Variants in NEBL observed in about 807,000 individuals in gnomAD.
NEBL encodes the protein nebulette.
In NEBL, 122 loss-of-function variants were observed where a neutral mutation model predicts 140.2. That is an observed-to-expected ratio of 0.87 (90% confidence interval 0.75 to 1.01). The LOEUF (loss-of-function observed/expected upper bound fraction) is 1.01. NEBL is among the 50% of genes least tolerant of loss of function. NEBL has a pLI of 0.00. For synonymous variants in NEBL, 436 were observed against 398.9 expected (o/e 1.09, Z -1.11); for missense variants, 1,365 against 1,231.3 (o/e 1.11, Z -1.62).
chr10:21,084,637 T>C (rs1822357349), intron 2 of NEBL, among the ~76,000 whole-genome samples: 3 of 151,688 alleles, frequency 2.0e-5, no homozygotes, highest in African/African-American at 7.3e-5. Context: ...ACAGCAACAA[T>C]GAAGTCTCTT....
At position 20,937,490 on chromosome 10, in the gene NEBL, C is replaced by A. The variant is rs971424238; in HGVS notation, c.357+24182G>T. On this transcript the variant is annotated intron_variant, in intron 4 of 6. Transcript: ENST00000417816. ...CAAGATGGTCGAATAGGAACAGCTC[C>A]AGTCTACAGCTCCCAGTGTGAGTGA... Among the ~76,000 whole-genome samples the A allele has an allele frequency of 2.1e-4, 32 of 152,302 alleles. No homozygotes were observed. In the East Asian group the frequency reaches 6.0e-3, roughly 28 times the overall value.
chr10:20,981,292 T>C (rs1487453923), intron 3 of NEBL, among the ~76,000 whole-genome samples: 5 of 147,810 alleles, frequency 3.4e-5, no homozygotes, highest in Non-Finnish European at 1.5e-5. Flanking sequence ...CAAACACTAA[T>C]ACAGGCCAGA....
At chr10:21,099,218 T>C (rs981093151) in intron 2 of NEBL, among the ~76,000 whole-genome samples, 6 of 152,218 alleles carry the variant, frequency 3.9e-5, no homozygotes, top group Admixed American at 2.6e-4. Flanking sequence ...ATGAACCTAC[T>C]GAGTAAATTA....
intron 3 of NEBL, among the ~76,000 whole-genome samples, chr10:21,188,226 C>G (rs1193931461): frequency 1.3e-5 from 2 of 152,198 alleles, no homozygotes; most frequent in African/African-American, 4.8e-5. Context: ...CAGCTTTCTT[C>G]TTCTGTGGAC....
intron 3 of NEBL, among the ~76,000 whole-genome samples, chr10:21,230,833 G>C (rs1405795185): frequency 6.6e-6 from 1 of 152,030 alleles, no homozygotes; most frequent in African/African-American, 2.4e-5. Flanking sequence ...TTGAACTCCT[G>C]GGATCAAGTG....
At chr10:21,144,888 G>A (rs1044744700) in intron 2 of NEBL, among the ~76,000 whole-genome samples, 12 of 147,966 alleles carry the variant, frequency 8.1e-5, no homozygotes, top group Non-Finnish European at 1.8e-4. Flanking sequence ...TCCTCTCAAT[G>A]AAAAAGTATA....
intron 16 of NEBL, among the ~76,000 whole-genome samples, chr10:20,828,842 C>G (rs1588708341): frequency 6.6e-6 from 1 of 152,002 alleles, no homozygotes; most frequent in African/African-American, 2.4e-5. Context: ...GACATGGCTT[C>G]TAGATTTACG....
intron 1 of NEBL, among the ~76,000 whole-genome samples, chr10:21,255,249 G>A (rs1295339846): frequency 6.6e-6 from 1 of 152,044 alleles, no homozygotes; most frequent in East Asian, 1.9e-4. Flanking sequence ...CATGTCCTAA[G>A]GCCAGATATG....
chr10:20,829,319 A>T (rs1261863831), intron 16 of NEBL, among the ~76,000 whole-genome samples: 1 of 152,026 alleles, frequency 6.6e-6, no homozygotes, highest in Non-Finnish European at 1.5e-5. Flanking sequence ...CATCATTCTC[A>T]GTAAACTATT....
At chr10:20,917,736 ATG>A (rs1241977834) in intron 4 of NEBL, among the ~76,000 whole-genome samples, 1 of 152,176 alleles carries the variant, frequency 6.6e-6, no homozygotes, top group Non-Finnish European at 1.5e-5. Flanking sequence ...TATAAAATTA[ATG>A]TGTGTTTCTG....
rs1835025351 is a variant in NEBL at position 20,781,336 on chromosome 10, T to C, written c.*4411A>G. The stretch of plus-strand genomic sequence containing the variant: ...GCAAATTAATCATCAACCACAATTC[T>C]ACATATTTTGAAGCAAACAGAAGCC... On this transcript the variant is annotated 3_prime_UTR_variant, in exon 28 of 28. Coordinates refer to ENST00000377122, the MANE Select transcript of NEBL (RefSeq NM_006393.3). 6.6e-6 allele frequency: 1 copy of C among 152,536 alleles called. No homozygotes were observed. The highest frequency in any genetic ancestry group is 1.5e-5 in the Non-Finnish European group (1 of 68,026). The allele number at this position is 152,536 out of a possible 1,614,324, so 9.4% of individuals were successfully genotyped here.
chr10:21,197,712 C>T (rs1184394218), intron 3 of NEBL, among the ~76,000 whole-genome samples: 1 of 152,176 alleles, frequency 6.6e-6, no homozygotes, highest in Non-Finnish European at 1.5e-5. Context: ...CTTTACAGCT[C>T]CATAGATGGC....
chr10:21,024,420 A>C (rs931074840), intron 2 of NEBL, among the ~76,000 whole-genome samples: 1 of 152,070 alleles, frequency 6.6e-6, no homozygotes, highest in East Asian at 1.9e-4. Context: ...ACTACCAGGG[A>C]TCATGAGAAC....
At chr10:20,953,466 T>C (rs1835607096) in intron 4 of NEBL, among the ~76,000 whole-genome samples, 1 of 151,478 alleles carries the variant, frequency 6.6e-6, no homozygotes, top group African/African-American at 2.4e-5. Flanking sequence ...CAACCTGCAA[T>C]ATCTTGTTAT....
intron 2 of NEBL, among the ~76,000 whole-genome samples, chr10:21,131,345 C>G (rs1839096156): frequency 6.6e-6 from 1 of 152,190 alleles, no homozygotes; most frequent in Non-Finnish European, 1.5e-5. Flanking sequence ...TCTACAATCT[C>G]TTTCAGAGAA....
intron 16 of NEBL, 133 bp downstream of exon 16, chr10:20,831,063 G>A (rs1191757452): frequency 9.5e-6 from 7 of 733,474 alleles, no homozygotes; most frequent in East Asian, 2.6e-5. Context: ...TTTGGCCAAT[G>A]GTTTCTTAGT....
intron 26 of NEBL, among the ~76,000 whole-genome samples, chr10:20,789,840 C>A (rs181294708): frequency 6.6e-6 from 1 of 150,998 alleles, no homozygotes; most frequent in African/African-American, 2.4e-5. Flanking sequence ...AGAGAGCAAT[C>A]TTATCTCAAA....
At chr10:20,953,473 T>C (rs1249485006) in intron 4 of NEBL, among the ~76,000 whole-genome samples, 1 of 151,872 alleles carries the variant, frequency 6.6e-6, no homozygotes, top group Non-Finnish European at 1.5e-5. Flanking sequence ...CAATATCTTG[T>C]TATGGTGCCT....
chr10:21,201,702 C>T lies in NEBL; in HGVS notation n.349-29225G>A, dbSNP rs147384740. On this transcript the variant is annotated intron_variant and non_coding_transcript_variant, in intron 3 of 8. Transcript: ENST00000675702. ...TGACACACCTCTATAATACAATATG[C>T]CTGCATATTCTTTGATAGCATCATT... Among the ~76,000 whole-genome samples, 419 of 152,136 alleles carry T rather than the reference C, an allele frequency of 2.8e-3. 2 individuals carry two copies. Among genetic ancestry groups the T allele is most frequent in the African/African-American group, 8.9e-3 (368 of 41,492 alleles).
Sources: allele counts gnomAD v4.1 joint callset (sites outside exome capture counted in the v4.1 genomes callset), GRCh38; gene constraint gnomAD v4.1.1; transcripts MANE v1.5; gene names NCBI Gene and HGNC (gene_info 2026-07-23, HGNC 2026-07-21).